The following LIPN variants were observed in gnomAD, a reference collection of about 807,000 sequenced individuals.
The protein encoded by LIPN is lipase family member N, also known as lipase member N.
A neutral mutation model predicts 43.7 loss-of-function variants in LIPN; 32 were observed. The ratio of observed to expected loss-of-function variants is 0.73; its 90% CI spans 0.55 to 0.98. The LOEUF (loss-of-function observed/expected upper bound fraction) is 0.98. Ranked by LOEUF, LIPN falls within the 50% of genes least tolerant of loss-of-function variation. The pLI is 0.00. For missense variants in LIPN, 505 were observed against 483.8 expected (o/e 1.04, Z -0.41); for synonymous variants, 156 against 157.6 (o/e 0.99, Z 0.08).
At chr10:88,764,696 C>A in intron 4 of LIPN, 88 bp downstream of exon 4, 1 of 945,864 alleles carries the variant, frequency 1.1e-6, no homozygotes, top group Non-Finnish European at 1.5e-6. Flanking sequence ...ATCTTTGACG[C>A]TTGAAGTCAT....
At chr10:88,764,353 CTT>C (rs1471604120) in intron 3 of LIPN, 55 bp from the exon 4 acceptor site, 6 of 1,356,372 alleles carry the variant, frequency 4.4e-6, no homozygotes, top group Non-Finnish European at 6.2e-6. Context: ...TACTCTCACT[CTT>C]TCTCTCTCTC....
At chr10:88,768,656 A>G (rs1482471986) in intron 5 of LIPN, 136 bp from the exon 6 acceptor site, 2 of 627,056 alleles carry the variant, frequency 3.2e-6, no homozygotes, top group African/African-American at 1.8e-5. Context: ...TTTATAGAAT[A>G]ACTCAGAAGA....
intron 7 of LIPN, among the ~76,000 whole-genome samples, chr10:88,772,410 C>CATTTTG (rs1311093962): frequency 6.6e-6 from 1 of 151,706 alleles, no homozygotes; most frequent in Non-Finnish European, 1.5e-5. Context: ...GTCTTTAATC[C>CATTTTG]ATTTTGATTT....
At chr10:88,767,167 G>C (rs893108511) in intron 5 of LIPN, among the ~76,000 whole-genome samples, 1 of 151,842 alleles carries the variant, frequency 6.6e-6, no homozygotes, top group African/African-American at 2.4e-5. Context: ...TAAATCATGT[G>C]AAAGTGCAAT....
rs796935621 is a variant in LIPN at position 88,767,573 on chromosome 10, GAGA to G, written c.535+1203_535+1205del. On this transcript the variant is annotated intron_variant, in intron 5 of 9. Transcript: ENST00000404459. ...GTAAGGATTCCGGAGAAATGGTGTA[GAGA>G]AGAAGAAATGACTTTAGTTGGTTTT... 2.7e-4 allele frequency among the ~76,000 whole-genome samples: 39 copies of G among 143,438 alleles called. 1 individual carries two copies. Among genetic ancestry groups the G allele is most frequent in the African/African-American group, 1.0e-3 (39 of 38,534 alleles). 94.1% of individuals were successfully genotyped at this position (143,438 alleles called of 152,430 possible).
intron 1 of LIPN, 128 bp from the exon 2 acceptor site, chr10:88,761,270 T>C (rs1842991024): frequency 4.6e-6 from 3 of 650,170 alleles, no homozygotes; most frequent in East Asian, 2.7e-5. Flanking sequence ...TATTCCTTTT[T>C]ATACATTATC....
rs530236265 is a variant in LIPN at position 88,768,886 on chromosome 10, C to A, written c.630C>A (p.Gly210=). Residue 210 remains glycine (G), a synonymous_variant, in exon 6 of 10, where the codon GGC becomes GGA. Transcript: ENST00000404459. ...GPTISFKYPT[G]IFTRFFLLPN... is the part of the protein sequence containing the mutation. Reference sequence around the variant, plus strand: ...CGATCTCATTCAAATATCCCACGGGCATTTTTACCAGGTTTTTTCTACTTC... The same window carrying A: ...CGATCTCATTCAAATATCCCACGGGAATTTTTACCAGGTTTTTTCTACTTC... The A allele has an allele frequency of 6.2e-7, 1 of 1,611,278 alleles. No individual in the cohort carries two copies. The highest frequency in any genetic ancestry group is 8.5e-7 in the Non-Finnish European group (1 of 1,178,176).
intron 5 of LIPN, 102 bp from the exon 6 acceptor site, chr10:88,768,690 T>A (rs757585913): frequency 3.4e-5 from 30 of 882,344 alleles, no homozygotes; most frequent in Non-Finnish European, 5.2e-5. Flanking sequence ...CCCAGTATGA[T>A]CACGATAGAA....
chr10:88,774,043 T>C (rs541882792), intron 7 of LIPN, among the ~76,000 whole-genome samples: 1 of 152,098 alleles, frequency 6.6e-6, no homozygotes, highest in East Asian at 1.9e-4. Context: ...AGATGTTAAA[T>C]ATGGTGGCCA....
intron 4 of LIPN, 92 bp downstream of exon 4, chr10:88,764,700 AAGTCATATAGCTCCTTGT>A: frequency 1.1e-6 from 1 of 880,650 alleles, no homozygotes; most frequent in Non-Finnish European, 1.7e-6. Flanking sequence ...TTGACGCTTG[AAGTCATATAGCTCCTTGT>A]AGTTTCTGTT....
chr10:88,761,294 A>T lies in LIPN; in HGVS notation c.-8-104A>T. On this transcript the variant is annotated intron_variant, in intron 1 of 9. Coordinates refer to ENST00000404459, the MANE Select transcript of LIPN (RefSeq NM_001102469.2). ...TTATACATTATCTGCCTTCGGTGTTATTCAAGTTTTCATTAATCATTAATA... is the reference window on the plus strand; with the variant it reads ...TTATACATTATCTGCCTTCGGTGTTTTTCAAGTTTTCATTAATCATTAATA... 5 of 735,986 alleles carry T rather than the reference A, an allele frequency of 6.8e-6. No individual in the cohort carries two copies. In the East Asian group the frequency reaches 1.4e-4, roughly 20 times the overall value. The allele number at this position is 735,986 out of a possible 1,614,324, so 45.6% of individuals were successfully genotyped here.
chr10:88,769,439 T>C (rs994181908), intron 6 of LIPN: 2 of 193,918 alleles, frequency 1.0e-5, no homozygotes, highest in Non-Finnish European at 1.9e-5. Context: ...TTCAAATATT[T>C]ATTGGTTATT....
chr10:88,758,110 A>T (rs1442582249), upstream of LIPN, among the ~76,000 whole-genome samples: 9 of 152,292 alleles, frequency 5.9e-5, no homozygotes, highest in Admixed American at 5.2e-4. Flanking sequence ...AAACAAAAAG[A>T]TAACCACACT....
At chr10:88,768,305 C>T (rs1843145586) in intron 5 of LIPN, among the ~76,000 whole-genome samples, 2 of 151,854 alleles carry the variant, frequency 1.3e-5, no homozygotes, top group African/African-American at 4.8e-5. Context: ...CCCAGTAAGA[C>T]ACTGGGAGCA....
Position 88,764,425 on chromosome 10 carries a change from T to G in LIPN, c.242T>G (p.Val81Gly), listed in dbSNP as rs2134831348. ...CCCCCACCAGGTCCCCGGCCAGTTG[T>G]GTATATGCAGCATGCCCTGTTTGCA... ...HARSTGPRPV[V>G]YMQHALFADN... The change falls in exon 4 of 10, where the codon GTG becomes GGG. Residue 81 changes from valine (V) to glycine (G), a missense_variant. Coordinates refer to ENST00000404459, the MANE Select transcript of LIPN (RefSeq NM_001102469.2). 6.2e-7 allele frequency: 1 copy of G among 1,611,466 alleles called. No individual in the cohort carries two copies.
chr10:88,772,201 A>G (rs1011125590), intron 7 of LIPN, among the ~76,000 whole-genome samples: 9 of 151,686 alleles, frequency 5.9e-5, no homozygotes, highest in Admixed American at 3.3e-4. Flanking sequence ...CTCTCATTCA[A>G]CAGGTTCTTT....
rs772625211 is a variant in LIPN at position 88,762,193 on chromosome 10, A to AATCATC, written c.118_123dup (p.Ile40_Ile41dup). Reference sequence around the variant, plus strand: ...ACTGTATTTTTACTGGGCAGAGTGAAATCATCATCTACAATGGCTACCCCA... The same window carrying AATCATC: ...ACTGTATTTTTACTGGGCAGAGTGAAATCATCATCATCATCTACAATGGCTACCCCA... On this transcript the variant is annotated inframe_insertion, in exon 3 of 10. Transcript: ENST00000404459. 25 of 1,567,544 alleles carry AATCATC rather than the reference A, an allele frequency of 1.6e-5. No individual in the cohort carries two copies. Among genetic ancestry groups the AATCATC allele is most frequent in the Non-Finnish European group, 2.0e-5 (23 of 1,141,694 alleles).
rs1843310084 is a variant in LIPN, at chr10:88,777,219, A to G, written c.964-790A>G. ...TCAGTCCCCTGACTTGGACTTCCAT[A>G]ACACAATGATTTCTGATTTTCCTTC... On this transcript the variant is annotated intron_variant, in intron 9 of 9. Transcript: ENST00000404459. 1.3e-5 allele frequency among the ~76,000 whole-genome samples: 2 copies of G among 152,034 alleles called. 1 individual carries two copies. Among genetic ancestry groups the G allele is most frequent in the South Asian group, 4.2e-4 (2 of 4,814 alleles).
At chr10:88,758,511 T>A (rs1842954542), upstream of LIPN, among the ~76,000 whole-genome samples, 1 of 149,436 alleles carries the variant, frequency 6.7e-6, no homozygotes, top group Admixed American at 6.7e-5. Context: ...TATTGTAACA[T>A]TATATATTTT....
Sources: gnomAD v4.1 joint callset for allele counts (sites outside exome capture counted in the v4.1 genomes callset) on GRCh38, gnomAD v4.1.1 for gene constraint, MANE v1.5 for transcripts, NCBI Gene and HGNC (gene_info 2026-07-23, HGNC 2026-07-21) for gene names.